Variants in MYCL observed in about 807,000 individuals in gnomAD.
MYCL encodes protein L-Myc.
Under a neutral mutation model 31.0 loss-of-function variants are expected in MYCL, and 11 were observed. The observed-to-expected ratio is 0.35, with a 90% confidence interval of 0.22 to 0.59. The LOEUF (loss-of-function observed/expected upper bound fraction) is 0.59. MYCL is among the 20% of genes least tolerant of loss of function. MYCL has a pLI of 0.79. For missense variants in MYCL, 427 were observed against 486.1 expected (o/e 0.88, Z 1.14); for synonymous variants, 208 against 202.4 (o/e 1.03, Z -0.23).
At chr1:39,899,640 T>C (rs1644515711) in intron 1 of MYCL, 2 of 985,466 alleles carry the variant, frequency 2.0e-6, no homozygotes, top group Non-Finnish European at 1.2e-6. Context: ...ATTGGTTTTT[T>C]GATCTCAAGA....
At position 39,901,023 on chromosome 1, in the gene MYCL, C is replaced by G. The variant is rs1232861729; in HGVS notation, c.412G>C (p.Gly138Arg). 4.0e-6 allele frequency: 6 copies of G among 1,499,434 alleles called. No individual in the cohort carries two copies. The highest frequency in any genetic ancestry group is 1.3e-5 in the South Asian group (1 of 75,862). 92.9% of individuals were successfully genotyped at this position (1,499,434 alleles called of 1,614,324 possible). ...CAGGGGGCGGCGGGCGCCGGGTTGC[C>G]GGCTTCGAGGCTGGGAGTGCAGTCC... ...APDCTPSLEA[G>R]NPAPAAPCPL... The change falls in exon 1 of 2, where the codon GGC becomes CGC. Residue 138 changes from glycine to arginine, a missense_variant. Gly to Arg is a moderately radical substitution (Grantham distance 125). Transcript: ENST00000372816. The surrounding 1 kb of genome is among the most constrained non-coding windows in gnomAD (Gnocchi z 6.9).
At chr1:39,900,787 A>G in intron 1 of MYCL, 152 bp downstream of exon 1, 1 of 1,438,054 alleles carries the variant, frequency 7.0e-7, no homozygotes, top group Non-Finnish European at 9.1e-7. Flanking sequence ...TGCCAGACAG[A>G]CACGGTTGGG....
intron 1 of MYCL, chr1:39,899,972 T>C (rs1644519004): frequency 6.1e-6 from 6 of 985,400 alleles, no homozygotes; most frequent in South Asian, 4.7e-5. Flanking sequence ...AAGAACAATG[T>C]AGTTTAGTGG....
rs1467177908 is a variant in MYCL at position 39,895,883 on chromosome 1, G to A, written c.*1489C>T. On this transcript the variant is annotated 3_prime_UTR_variant, in exon 2 of 2. Transcript: ENST00000372816. The stretch of plus-strand genomic sequence containing the variant: ...GACAATAGATTTGGAAGTAGCAGCT[G>A]GTTTTCCAGAGCCATATATAGTACT... 1.8e-5 allele frequency: 4 copies of A among 222,320 alleles called. No individual in the cohort carries two copies. In the East Asian group the frequency reaches 2.0e-4, roughly 11 times the overall value. 13.8% of individuals were successfully genotyped at this position (222,320 alleles called of 1,614,324 possible). A position where few individuals can be genotyped will look rare whatever the true frequency, so the allele number is the denominator to read the frequency against.
chr1:39,898,076 A>G, intron 1 of MYCL, 106 bp from the exon 2 acceptor site: 1 of 1,473,024 alleles, frequency 6.8e-7, no homozygotes. Flanking sequence ...GGTAGGAGAC[A>G]TTTTTCCAAT....
rs774732380 is a variant in MYCL, at chr1:39,901,332, G to C, written c.103C>G (p.Leu35Val). 5.0e-6 allele frequency: 8 copies of C among 1,607,182 alleles called. No homozygotes were observed. Residue 35 changes from leucine (L) to valine (V), a missense_variant, in exon 1 of 2, where the codon CTG becomes GTG. Physicochemically the swap from Leu to Val is conservative, Grantham distance 32. Transcript: ENST00000372816. This position sits in a 1 kb window ranked among gnomAD's most constrained non-coding sequence, Gnocchi z 6.9. Reference protein sequence around the residue: ...PSEDIWKKFELVPSPPTSPPW... With the variant: ...PSEDIWKKFEVVPSPPTSPPW... ...GGCGACGTGGGGGGCGATGGCACCA[G>C]CTCGAATTTCTTCCAGATGTCCTCG...
rs903311018 is a variant in MYCL, at chr1:39,900,102, G to T, written c.496+837C>A. On this transcript the variant is annotated intron_variant, in intron 1 of 1. Transcript: ENST00000372816. ...AGCCCACAGATTGCCACAAAGTAGG[G>T]GCCAGTGAATATTTGTTGAATGCCA... 1.5e-5 allele frequency: 15 copies of T among 985,352 alleles called. No individual in the cohort carries two copies. The South Asian group carries it at 4.2e-4, about 28-fold the overall frequency. 61.0% of individuals were successfully genotyped at this position (985,352 alleles called of 1,614,324 possible).
At chr1:39,898,162 G>T in intron 1 of MYCL, 192 bp from the exon 2 acceptor site, 1 of 752,586 alleles carries the variant, frequency 1.3e-6, no homozygotes, top group Non-Finnish European at 2.1e-6. Flanking sequence ...AAGGAAAGGA[G>T]GGGACATTAG....
chr1:39,901,013 G>T lies in MYCL; in HGVS notation c.422C>A (p.Ala141Glu), dbSNP rs1331262686. The change falls in exon 1 of 2, where the codon GCG becomes GAG. Residue 141 changes from alanine to glutamate, a missense_variant. Transcript: ENST00000372816. This position sits in a 1 kb window ranked among gnomAD's most constrained non-coding sequence, Gnocchi z 6.9. ...GCCCAGCGGACAGGGGGCGGCGGGCGCCGGGTTGCCGGCTTCGAGGCTGGG... is the reference window on the plus strand; with the variant it reads ...GCCCAGCGGACAGGGGGCGGCGGGCTCCGGGTTGCCGGCTTCGAGGCTGGG... ...CTPSLEAGNP[A>E]PAAPCPLGEP... is the part of the protein sequence containing the mutation. 1.0e-5 allele frequency: 15 copies of T among 1,490,116 alleles called. No individual in the cohort carries two copies. The highest frequency in any genetic ancestry group is 1.3e-5 in the Non-Finnish European group (15 of 1,121,572). 92.3% of individuals were successfully genotyped at this position (1,490,116 alleles called of 1,614,324 possible). A position where few individuals can be genotyped will look rare whatever the true frequency, so the allele number is the denominator to read the frequency against.
intron 1 of MYCL, chr1:39,898,905 GCTCCACACATTTTGCAGC>G: frequency 1.0e-6 from 1 of 985,412 alleles, no homozygotes; most frequent in Non-Finnish European, 1.2e-6. Flanking sequence ...GTCTCCTCCT[GCTCCACACATTTTGCAGC>G]CTCCACACAG....
At position 39,901,572 on chromosome 1, in the gene MYCL, C is replaced by T; in HGVS notation, c.-138G>A. The T allele has an allele frequency of 6.9e-7, 1 of 1,443,804 alleles. No homozygotes were observed. Among genetic ancestry groups the T allele is most frequent in the Non-Finnish European group, 9.0e-7 (1 of 1,107,620 alleles). The allele number at this position is 1,443,804 out of a possible 1,614,324, so 89.4% of individuals were successfully genotyped here. On this transcript the variant is annotated 5_prime_UTR_variant, in exon 1 of 2. Coordinates refer to ENST00000372816, the MANE Select transcript of MYCL (RefSeq NM_001033081.3). This position sits in a 1 kb window ranked among gnomAD's most constrained non-coding sequence, Gnocchi z 6.9. ...AACCCCACCAGCTTGCAGCCTGCGC[C>T]CAGTCCTCGCGTCCCGGGAAGCCGG...
chr1:39,900,831 G>A (rs748047898), intron 1 of MYCL, 108 bp downstream of exon 1: 1 of 1,499,772 alleles, frequency 6.7e-7, no homozygotes, highest in Non-Finnish European at 8.9e-7. Flanking sequence ...AAGAGAGGCG[G>A]AGATGGCCCA....
rs1644535860 is a variant in MYCL, at chr1:39,901,246, C to G, written c.189G>C (p.Pro63=). ...CGTCTCCGGTGCACCCTCCGGGCCA[C>G]GGCTCCGGGGGACCAATCCCGGGGG... ...DPAPGIGPPE[P]WPGGCTGDEA... Residue 63 remains proline (P), a synonymous_variant, in exon 1 of 2, where the codon CCG becomes CCC. Transcript: ENST00000372816. The surrounding 1 kb of genome is among the most constrained non-coding windows in gnomAD (Gnocchi z 6.9). 6.2e-7 allele frequency: 1 copy of G among 1,607,734 alleles called. No homozygotes were observed. The highest frequency in any genetic ancestry group is 8.5e-7 in the Non-Finnish European group (1 of 1,177,444).
At chr1:39,899,518 A>G (rs976600253) in intron 1 of MYCL, 18 of 664,980 alleles carry the variant, frequency 2.7e-5, no homozygotes, top group Non-Finnish European at 3.3e-5. Context: ...AGATCAGCGA[A>G]GTCCACATAT....
chr1:39,897,980 A>T lies in MYCL; in HGVS notation c.497-10T>A. 1 of 1,608,256 alleles carries T rather than the reference A, an allele frequency of 6.2e-7. No homozygotes were observed. Among genetic ancestry groups the T allele is most frequent in the South Asian group, 1.1e-5 (1 of 90,710 alleles). On this transcript the variant is annotated splice_polypyrimidine_tract_variant and intron_variant, in intron 1 of 1. Coordinates refer to ENST00000372816, the MANE Select transcript of MYCL (RefSeq NM_001033081.3). The surrounding 1 kb of genome is among the most constrained non-coding windows in gnomAD (Gnocchi z 4.3). Reference sequence around the variant, plus strand: ...TCAATTTCTTCATTCTCTGTCCGAGAAAAGAGATCAAGAGAAGAAACACAT... The same window carrying T: ...TCAATTTCTTCATTCTCTGTCCGAGTAAAGAGATCAAGAGAAGAAACACAT...
rs751174422 is a variant in MYCL, at chr1:39,901,439, G to A, written c.-5C>T. The A allele has an allele frequency of 1.2e-6, 2 of 1,609,354 alleles. No individual in the cohort carries two copies. Among genetic ancestry groups the A allele is most frequent in the Admixed American group, 1.7e-5 (1 of 59,882 alleles). ...CTGGTACGAGTCGTAGTCCATGTCC[G>A]CTCCCTGCGGGAGGGAAGGGGGGAC... On this transcript the variant is annotated 5_prime_UTR_variant, in exon 1 of 2. Transcript: ENST00000372816. This position sits in a 1 kb window ranked among gnomAD's most constrained non-coding sequence, Gnocchi z 6.9.
chr1:39,901,077 C>T lies in MYCL; in HGVS notation c.358G>A (p.Gly120Arg). Reference sequence around the variant, plus strand: ...GCGGCGGACGCCTTGGGCGGGTTCCCCCGGGGCGCGCCAGGAGCGAGCCGG... The same window carrying T: ...GCGGCGGACGCCTTGGGCGGGTTCCTCCGGGGCGCGCCAGGAGCGAGCCGG... ...SDRLAPGAPR[G>R]NPPKASAAPD... Residue 120 changes from glycine to arginine, a missense_variant, in exon 1 of 2, where the codon GGG (glycine) becomes AGG (arginine). Coordinates refer to ENST00000372816, the MANE Select transcript of MYCL (RefSeq NM_001033081.3). This position sits in a 1 kb window ranked among gnomAD's most constrained non-coding sequence, Gnocchi z 6.9. The T allele has an allele frequency of 1.3e-6, 2 of 1,567,204 alleles. No individual in the cohort carries two copies. The highest frequency in any genetic ancestry group is 8.6e-7 in the Non-Finnish European group (1 of 1,156,250).
At chr1:39,900,353 A>G (rs950095329) in intron 1 of MYCL, 9 of 985,676 alleles carry the variant, frequency 9.1e-6, no homozygotes, top group Non-Finnish European at 1.1e-5. Flanking sequence ...TCTAAGCCTC[A>G]GTTTTTCCAT....
At chr1:39,898,561 G>A (rs928106022) in intron 1 of MYCL, 11 of 699,546 alleles carry the variant, frequency 1.6e-5, no homozygotes, top group Non-Finnish European at 1.9e-5. Context: ...CCCACAGAGG[G>A]GAGGGAAAGG....
Sources: gnomAD v4.1 joint callset for allele counts on GRCh38, gnomAD v4.1.1 for gene constraint, Gnocchi (gnomAD v3.1) non-coding constraint, MANE v1.5 for transcripts, NCBI Gene and HGNC (gene_info 2026-07-23, HGNC 2026-07-21) for gene names.